The following TTC7A variants were observed in gnomAD, a reference collection of about 807,000 sequenced individuals.
The protein encoded by TTC7A is tetratricopeptide repeat domain 7A.
In TTC7A, 110 loss-of-function variants were observed where a neutral mutation model predicts 103.7. The ratio of observed to expected loss-of-function variants is 1.06; its 90% CI spans 0.91 to 1.24. The LOEUF (loss-of-function observed/expected upper bound fraction) is 1.24. TTC7A is among the 50% of genes most tolerant of loss of function. TTC7A has a pLI of 0.00. For synonymous variants in TTC7A, 521 were observed against 467.9 expected (o/e 1.11, Z -1.47); for missense variants, 1,340 against 1,116.3 (o/e 1.20, Z -2.86).
chr2:46,916,543 C>G (rs1408222326), exon 1 of TTC7A: 1 of 153,006 alleles, frequency 6.5e-6, no homozygotes, highest in Non-Finnish European at 1.5e-5. Flanking sequence ...TAATCCTGCC[C>G]TTACACCTGT....
intron 2 of TTC7A, chr2:46,917,339 C>T: frequency 1.6e-6 from 1 of 609,946 alleles, no homozygotes; most frequent in East Asian, 2.8e-5. Context: ...TAATTCAAGA[C>T]CCATTCTTCT....
chr2:46,989,452 G>A (rs1401429724), intron 5 of TTC7A, among the ~76,000 whole-genome samples: 7 of 152,220 alleles, frequency 4.6e-5, no homozygotes, highest in Admixed American at 6.5e-5. Context: ...TCAGAGCTGG[G>A]ACGGGATTGC....
intron 1 of TTC7A, among the ~76,000 whole-genome samples, chr2:46,943,857 G>C (rs1366743774): frequency 6.6e-6 from 1 of 152,186 alleles, no homozygotes; most frequent in Non-Finnish European, 1.5e-5. Context: ...AGGCCTTGAG[G>C]TCCAGCGGTG....
At chr2:47,011,525 T>G in intron 11 of TTC7A, 90 bp downstream of exon 11, 1 of 1,022,404 alleles carries the variant, frequency 9.8e-7, no homozygotes, top group Non-Finnish European at 1.4e-6. Flanking sequence ...TATGTGTGGG[T>G]GCATGCCGAA....
chr2:46,968,082 AGGGTG>A (rs1673014178), intron 3 of TTC7A, among the ~76,000 whole-genome samples: 1 of 152,128 alleles, frequency 6.6e-6, no homozygotes, highest in South Asian at 2.1e-4. Context: ...CAGGGTTCCA[AGGGTG>A]GGGCTTCTTG....
intron 14 of TTC7A, among the ~76,000 whole-genome samples, chr2:47,028,477 G>A (rs1195001521): frequency 6.6e-6 from 1 of 152,208 alleles, no homozygotes; most frequent in Non-Finnish European, 1.5e-5. Flanking sequence ...GGCTACTGGA[G>A]CAGCTGGGGC....
intron 3 of TTC7A, chr2:46,974,685 A>G (rs1478514988): frequency 1.9e-6 from 1 of 530,430 alleles, no homozygotes; most frequent in East Asian, 4.8e-5. Context: ...TTCGCTTAGA[A>G]AAATGGGGAT....
chr2:46,977,695 G>C (rs1430981645), intron 4 of TTC7A, among the ~76,000 whole-genome samples: 1 of 152,192 alleles, frequency 6.6e-6, no homozygotes, highest in Admixed American at 6.5e-5. Flanking sequence ...GCTTGAGTTT[G>C]AGGTCCGGAC....
intron 8 of TTC7A, among the ~76,000 whole-genome samples, chr2:47,005,438 C>T (rs949557821): frequency 3.3e-5 from 5 of 152,096 alleles, no homozygotes; most frequent in East Asian, 3.9e-4. Flanking sequence ...TTCCATAAAA[C>T]GACTGGCCTG....
chr2:47,051,675 A>G (rs1370393647), intron 17 of TTC7A, 71 bp from the exon 18 acceptor site: 2 of 1,520,358 alleles, frequency 1.3e-6, no homozygotes, highest in South Asian at 1.3e-5. Flanking sequence ...GTGCTGGGCA[A>G]TGACTGCTCC....
chr2:47,052,587 G>C (rs770010680), intron 18 of TTC7A, among the ~76,000 whole-genome samples: 52 of 152,214 alleles, frequency 3.4e-4, no homozygotes, highest in Non-Finnish European at 5.9e-4. Context: ...ATGAATGCCC[G>C]GGAGGGACTC....
chr2:46,915,936 A>C, upstream of TTC7A: 1 of 984,968 alleles, frequency 1.0e-6, no homozygotes, highest in East Asian at 1.1e-4. Context: ...TCCACGTGTA[A>C]TCGGCCCGGG....
intron 3 of TTC7A, among the ~76,000 whole-genome samples, chr2:46,964,282 C>G (rs1031334838): frequency 6.6e-6 from 1 of 152,080 alleles, no homozygotes; most frequent in Non-Finnish European, 1.5e-5. Flanking sequence ...AAGGGAAGCC[C>G]CGGGGGAAAC....
intron 8 of TTC7A, among the ~76,000 whole-genome samples, chr2:46,995,569 G>A (rs1239812021): frequency 5.9e-5 from 9 of 152,338 alleles, no homozygotes; most frequent in Non-Finnish European, 2.9e-5. Flanking sequence ...GGGAATGGAA[G>A]GAATGTGTAC....
intron 1 of TTC7A, among the ~76,000 whole-genome samples, chr2:46,947,545 G>A (rs113486661): frequency 0.027 from 4,053 of 152,122 alleles, 95 homozygotes; most frequent in African/African-American, 0.064. Flanking sequence ...GTAAAACCCC[G>A]TCTCTACCAA....
chr2:47,011,245 T>C, intron 10 of TTC7A, 86 bp from the exon 11 acceptor site: 1 of 1,260,202 alleles, frequency 7.9e-7, no homozygotes, highest in African/African-American at 1.5e-5. Flanking sequence ...AGAGCAAGGC[T>C]TGGTTGTTTG....
rs969148621 is a variant in TTC7A at position 47,055,546 on chromosome 2, A to G, written c.2152+3666A>G. ...GAGTGTTGAGAGAGGTGCTTTCCCT[A>G]AAAGCAAGAACTACCCCTTCATCCC... On this transcript the variant is annotated intron_variant, in intron 18 of 19. Transcript: ENST00000319190. Among the ~76,000 whole-genome samples, 4 of 152,114 alleles carry G rather than the reference A, an allele frequency of 2.6e-5. No individual in the cohort carries two copies. The South Asian group carries it at 8.3e-4, about 32-fold the overall frequency.
chr2:46,989,501 C>T (rs965461020), intron 5 of TTC7A, among the ~76,000 whole-genome samples: 1 of 152,170 alleles, frequency 6.6e-6, no homozygotes, highest in Non-Finnish European at 1.5e-5. Context: ...GGAGAAGCCC[C>T]GTGTGCTTTC....
rs1031698058 is a variant in TTC7A, at chr2:47,007,759, A to G, written c.1287+1035A>G. Among the ~76,000 whole-genome samples the G allele has an allele frequency of 2.6e-5, 4 of 152,184 alleles. No homozygotes were observed. The East Asian group carries it at 5.8e-4, about 22-fold the overall frequency. ...TTGCTGGGGAGCCTTCCCTACCCCCATCTGCTGGGCATGTGTCTTTCCAAA... is the reference window on the plus strand; with the variant it reads ...TTGCTGGGGAGCCTTCCCTACCCCCGTCTGCTGGGCATGTGTCTTTCCAAA... On this transcript the variant is annotated intron_variant, in intron 10 of 19. Transcript: ENST00000319190. The surrounding 1 kb of genome is among the most constrained non-coding windows in gnomAD (Gnocchi z 4.9).
Sources: allele counts gnomAD v4.1 joint callset (sites outside exome capture counted in the v4.1 genomes callset), GRCh38; gene constraint gnomAD v4.1.1; non-coding constraint Gnocchi (gnomAD v3.1); transcripts MANE v1.5; gene names NCBI Gene and HGNC (gene_info 2026-07-23, HGNC 2026-07-21).